The following HAUS5 variants were observed in gnomAD, a reference collection of about 807,000 sequenced individuals.
The protein encoded by HAUS5 is HAUS augmin like complex subunit 5.
In HAUS5, 67 loss-of-function variants were observed where a neutral mutation model predicts 94.1. That is an observed-to-expected ratio of 0.71 (90% CI 0.58 to 0.87). The LOEUF (loss-of-function observed/expected upper bound fraction) is 0.87. HAUS5 is among the 40% of genes least tolerant of loss of function. HAUS5 has a pLI of 0.00. For missense variants in HAUS5, 739 were observed against 825.6 expected (o/e 0.90, Z 1.29); for synonymous variants, 339 against 355.4 (o/e 0.95, Z 0.52).
intron 1 of HAUS5, 27 bp downstream of exon 1, chr19:35,612,919 A>G (rs995610376): frequency 7.7e-6 from 11 of 1,437,046 alleles, no homozygotes; most frequent in Non-Finnish European, 1.0e-5. Flanking sequence ...GAGTGAGGAC[A>G]CCCCACCCTG....
chr19:35,618,652 G>A lies in HAUS5; in HGVS notation c.969G>A (p.Gln323=), dbSNP rs780467957. The A allele has an allele frequency of 9.3e-6, 15 of 1,606,250 alleles. No individual in the cohort carries two copies. Among genetic ancestry groups the A allele is most frequent in the Non-Finnish European group, 1.2e-5 (14 of 1,174,068 alleles). The change falls in exon 12 of 19, where the codon CAG becomes CAA. Residue 323 remains glutamine (Q), a synonymous_variant. Transcript: ENST00000203166. Reference sequence around the variant, plus strand: ...GGCAAGTCTTGACCCAGCGCCTCCAGGGCCTGGTGGAGGAGGTGGAGAGAC... The same window carrying A: ...GGCAAGTCTTGACCCAGCGCCTCCAAGGCCTGGTGGAGGAGGTGGAGAGAC... The part of the protein sequence containing the change: ...KERQVLTQRL[Q]GLVEEVERRV...
At position 35,614,236 on chromosome 19, in the gene HAUS5, A is replaced by T. The variant is rs2071921131; in HGVS notation, c.219+177A>T. On this transcript the variant is annotated intron_variant, in intron 4 of 18. Coordinates refer to ENST00000203166, the MANE Select transcript of HAUS5 (RefSeq NM_015302.2). ...AAACAGCATTAGCTCAGCCAGGTGC[A>T]GTGGCTCACACCTGTAATCCCAGCA... The T allele has an allele frequency of 4.6e-6, 3 of 657,694 alleles. No homozygotes were observed. The Admixed American group carries it at 6.5e-5, about 14-fold the overall frequency. 40.7% of individuals were successfully genotyped at this position (657,694 alleles called of 1,614,324 possible).
At chr19:35,619,946 C>A in intron 15 of HAUS5, 66 bp from the exon 16 acceptor site, 1 of 1,563,636 alleles carries the variant, frequency 6.4e-7, no homozygotes. Flanking sequence ...CCTGGGCCCC[C>A]AGAGCCTCCA....
At chr19:35,617,834 T>C in intron 8 of HAUS5, 21 bp from the exon 9 acceptor site, 1 of 1,611,664 alleles carries the variant, frequency 6.2e-7, no homozygotes, top group Non-Finnish European at 8.5e-7. Context: ...ACGTTCTCTG[T>C]CCGCTTACCC....
intron 6 of HAUS5, among the ~76,000 whole-genome samples, chr19:35,615,994 G>A (rs2071939465): frequency 6.6e-6 from 1 of 152,184 alleles, no homozygotes; most frequent in Admixed American, 6.5e-5. Context: ...CCTGACACTG[G>A]TTCATGCCCT....
intron 4 of HAUS5, chr19:35,614,308 T>C (rs532372433): frequency 3.5e-6 from 2 of 565,122 alleles, no homozygotes; most frequent in Non-Finnish European, 6.3e-6. Context: ...TGAGATCACC[T>C]GAGGGCTCCA....
In HAUS5 at chr19:35,623,024, G is replaced by C; in HGVS notation, c.*31G>C. Reference sequence around the variant, plus strand: ...GGGTTCAAACGGAAGCCGAGAACTTGACACTGTTCACCCCAACACCTCACC... The same window carrying C: ...GGGTTCAAACGGAAGCCGAGAACTTCACACTGTTCACCCCAACACCTCACC... On this transcript the variant is annotated 3_prime_UTR_variant, in exon 19 of 19. Transcript: ENST00000203166. 1.4e-6 allele frequency: 2 copies of C among 1,417,732 alleles called. No individual in the cohort carries two copies. Among genetic ancestry groups the C allele is most frequent in the Non-Finnish European group, 2.0e-6 (2 of 1,010,056 alleles). The allele number at this position is 1,417,732 out of a possible 1,614,324, so 87.8% of individuals were successfully genotyped here. A position where few individuals can be genotyped will look rare whatever the true frequency, so the allele number is the denominator to read the frequency against.
chr19:35,617,902 G>A lies in HAUS5; in HGVS notation c.686G>A (p.Ser229Asn). The A allele has an allele frequency of 6.2e-7, 1 of 1,613,992 alleles. No homozygotes were observed. Among genetic ancestry groups the A allele is most frequent in the Non-Finnish European group, 8.5e-7 (1 of 1,179,904 alleles). The change falls in exon 9 of 19, where the codon AGC becomes AAC. Residue 229 changes from serine (S) to asparagine (N), a missense_variant. Coordinates refer to ENST00000203166, the MANE Select transcript of HAUS5 (RefSeq NM_015302.2). ...HFGTSYQQWL[S>N]SVETLLTNHP... Reference sequence around the variant, plus strand: ...GGCACTTCGTACCAGCAGTGGCTGAGCTCAGTGGAGGTGAGAGGGCAGGGC... The same window carrying A: ...GGCACTTCGTACCAGCAGTGGCTGAACTCAGTGGAGGTGAGAGGGCAGGGC...
intron 15 of HAUS5, 90 bp downstream of exon 15, chr19:35,619,848 A>G (rs1967178626): frequency 6.6e-7 from 1 of 1,512,308 alleles, no homozygotes; most frequent in Admixed American, 2.1e-5. Flanking sequence ...ATAACCCCAG[A>G]CCCCCAGTGT....
chr19:35,613,916 A>C lies in HAUS5; in HGVS notation c.194+16A>C, dbSNP rs1310230289. 12 of 1,613,754 alleles carry C rather than the reference A, an allele frequency of 7.4e-6. No individual in the cohort carries two copies. Among genetic ancestry groups the C allele is most frequent in the Non-Finnish European group, 1.0e-5 (12 of 1,179,696 alleles). Reference sequence around the variant, plus strand: ...ACCTACTCTGGTAACTGCTTCTTAAAGCTATCCCCTCCTGTCTTCCCCACT... The same window carrying C: ...ACCTACTCTGGTAACTGCTTCTTAACGCTATCCCCTCCTGTCTTCCCCACT... On this transcript the variant is annotated intron_variant, in intron 3 of 18. Coordinates refer to ENST00000203166, the MANE Select transcript of HAUS5 (RefSeq NM_015302.2).
chr19:35,619,407 G>A lies in HAUS5; in HGVS notation c.1180-17G>A, dbSNP rs376305370. The A allele has an allele frequency of 6.4e-7, 1 of 1,565,842 alleles. No homozygotes were observed. The highest frequency in any genetic ancestry group is 8.7e-7 in the Non-Finnish European group (1 of 1,151,400). ...GGAGCTGGGAGGAGTGGGTCTCAGG[G>A]TATCCTGGTTCCTCAGGAGGAGACC... is the stretch of plus-strand genomic sequence containing the variant. On this transcript the variant is annotated splice_polypyrimidine_tract_variant and intron_variant, in intron 13 of 18. Transcript: ENST00000203166.
chr19:35,613,893 C>G lies in HAUS5; in HGVS notation c.187C>G (p.Leu63Val). Residue 63 changes from leucine to valine, a missense_variant, in exon 3 of 19, where the codon CTA becomes GTA. Physicochemically the swap from Leu to Val is conservative, Grantham distance 32. Coordinates refer to ENST00000203166, the MANE Select transcript of HAUS5 (RefSeq NM_015302.2). ...GACTGTCAAGAAGATCCGGGGAAACCTACTCTGGTAACTGCTTCTTAAAGC... is the reference window on the plus strand; with the variant it reads ...GACTGTCAAGAAGATCCGGGGAAACGTACTCTGGTAACTGCTTCTTAAAGC... Reference protein sequence around the residue: ...QRTVKKIRGNLLWYGHQDSPQ... With the variant: ...QRTVKKIRGNVLWYGHQDSPQ... 6.2e-7 allele frequency: 1 copy of G among 1,614,068 alleles called. No individual in the cohort carries two copies. The highest frequency in any genetic ancestry group is 8.5e-7 in the Non-Finnish European group (1 of 1,179,956).
rs753532980 is a variant in HAUS5 at position 35,613,797 on chromosome 19, G to A, written c.161+5G>A. ...GCAGCATGTGCACAGTCAGAGGTAA[G>A]CTGGGCTAGAGCAGGGGAGGGGGCA... On this transcript the variant is annotated splice_donor_5th_base_variant and intron_variant, in intron 2 of 18. Coordinates refer to ENST00000203166, the MANE Select transcript of HAUS5 (RefSeq NM_015302.2). The A allele has an allele frequency of 6.2e-6, 10 of 1,614,196 alleles. No individual in the cohort carries two copies. Among genetic ancestry groups the A allele is most frequent in the Non-Finnish European group, 8.5e-6 (10 of 1,180,030 alleles).
chr19:35,617,776 C>A lies in HAUS5; in HGVS notation c.639-79C>A, dbSNP rs529500784. 5 of 1,230,486 alleles carry A rather than the reference C, an allele frequency of 4.1e-6. No homozygotes were observed. The East Asian group carries it at 1.2e-4, about 29-fold the overall frequency. The allele number at this position is 1,230,486 out of a possible 1,614,324, so 76.2% of individuals were successfully genotyped here. A position where few individuals can be genotyped will look rare whatever the true frequency, so the allele number is the denominator to read the frequency against. The stretch of plus-strand genomic sequence containing the variant: ...GGCATAGGGAAGATGACAGCCCCTA[C>A]CTTATAGGGTGGTGGTGATAACTAG... On this transcript the variant is annotated intron_variant, in intron 8 of 18. Coordinates refer to ENST00000203166, the MANE Select transcript of HAUS5 (RefSeq NM_015302.2).
intron 8 of HAUS5, 85 bp from the exon 9 acceptor site, chr19:35,617,770 C>A: frequency 8.6e-7 from 1 of 1,166,084 alleles, no homozygotes; most frequent in Non-Finnish European, 1.3e-6. Flanking sequence ...AAGATGACAG[C>A]CCCTACCTTA....
chr19:35,619,605 C>T lies in HAUS5; in HGVS notation c.1261-8C>T, dbSNP rs1164610877. 5 of 768,896 alleles carry T rather than the reference C, an allele frequency of 6.5e-6. No individual in the cohort carries two copies. The highest frequency in any genetic ancestry group is 1.0e-5 in the Non-Finnish European group (5 of 489,602). 47.6% of individuals were successfully genotyped at this position (768,896 alleles called of 1,614,324 possible). ...TGATGCCCCACCCACCCCTCCCCTT[C>T]CCCACAGGTGCTAGCTCTGGTCCAG... On this transcript the variant is annotated splice_polypyrimidine_tract_variant and splice_region_variant and intron_variant, in intron 14 of 18. Transcript: ENST00000203166.
intron 6 of HAUS5, 105 bp downstream of exon 6, chr19:35,615,491 CATT>C: frequency 1.1e-6 from 1 of 888,160 alleles, no homozygotes; most frequent in Non-Finnish European, 1.7e-6. Flanking sequence ...ATTCTGGAAC[CATT>C]AGGATGGAAT....
intron 1 of HAUS5, 50 bp from the exon 2 acceptor site, chr19:35,613,680 C>A (rs1457195217): frequency 1.3e-6 from 2 of 1,550,352 alleles, no homozygotes; most frequent in South Asian, 2.2e-5. Context: ...AATGAGGATC[C>A]CACACCCTGT....
Position 35,618,904 on chromosome 19 carries a change from GGCTTCGGC to G in HAUS5, c.1038_1045del (p.Arg347LeufsTer85). 6.2e-7 allele frequency: 1 copy of G among 1,608,690 alleles called. No homozygotes were observed. Among genetic ancestry groups the G allele is most frequent in the Non-Finnish European group, 8.5e-7 (1 of 1,177,654 alleles). On this transcript the variant is annotated frameshift_variant, in exon 13 of 19. Coordinates refer to ENST00000203166, the MANE Select transcript of HAUS5 (RefSeq NM_015302.2). LOFTEE classifies it high-confidence loss of function. ...CCCTGCAGGCAGGTGCTGATACTGGGGCTTCGGCGCTGTTGCCTGTGGACGGAGCTCAA... is the reference window on the plus strand; with the variant it reads ...CCCTGCAGGCAGGTGCTGATACTGGGGCTGTTGCCTGTGGACGGAGCTCAA...
Sources: gnomAD v4.1 joint callset for allele counts (sites outside exome capture counted in the v4.1 genomes callset) on GRCh38, gnomAD v4.1.1 for gene constraint, MANE v1.5 for transcripts, NCBI Gene and HGNC (gene_info 2026-07-23, HGNC 2026-07-21) for gene names.